The following WWOX variants were observed in gnomAD, a reference collection of about 807,000 sequenced individuals.
WWOX encodes WW domain containing oxidoreductase, also known as WW domain-containing oxidoreductase.
WWOX carries 69 observed loss-of-function variants against 46.2 expected under a neutral mutation model. The ratio of observed to expected loss-of-function variants is 1.49; its 90% CI spans 1.23 to 1.82. The LOEUF (loss-of-function observed/expected upper bound fraction) is 1.82. WWOX is among the 40% of genes most tolerant of loss of function. The pLI is 0.00. For missense variants in WWOX, 919 were observed against 542.6 expected (o/e 1.69, Z -6.89); for synonymous variants, 359 against 202.6 (o/e 1.77, Z -6.56).
intron 8 of WWOX, chr16:79,206,358 A>G (rs1032265795): frequency 6.6e-6 from 1 of 152,238 alleles, no homozygotes; most frequent in African/African-American, 2.4e-5. Flanking sequence ...TCATGTACCA[A>G]CGGACACGGA....
At chr16:78,129,081 C>T (rs1381216159) in intron 4 of WWOX, among the ~76,000 whole-genome samples, 2 of 152,182 alleles carry the variant, frequency 1.3e-5, no homozygotes, top group East Asian at 3.9e-4. Flanking sequence ...GGGATACCAT[C>T]CTTTCAGCCT....
At chr16:78,602,941 C>A (rs1391842417) in intron 8 of WWOX, among the ~76,000 whole-genome samples, 1 of 152,184 alleles carries the variant, frequency 6.6e-6, no homozygotes, top group Admixed American at 6.5e-5. Context: ...TGCTGATTAG[C>A]TTTCTCTTTC....
intron 8 of WWOX, among the ~76,000 whole-genome samples, chr16:78,768,251 C>G (rs933672623): frequency 3.2e-5 from 4 of 125,582 alleles, no homozygotes; most frequent in East Asian, 2.2e-4. Flanking sequence ...AGTGAAATCT[C>G]AAGCAAGCCA....
chr16:78,519,440 T>C (rs1244520501), intron 8 of WWOX, among the ~76,000 whole-genome samples: 1 of 152,084 alleles, frequency 6.6e-6, no homozygotes, highest in Non-Finnish European at 1.5e-5. Context: ...GTTAACAGTC[T>C]AATGTGTTTC....
At chr16:78,985,810 C>T (rs766434302) in intron 8 of WWOX, among the ~76,000 whole-genome samples, 1 of 152,304 alleles carries the variant, frequency 6.6e-6, no homozygotes, top group South Asian at 2.1e-4. Flanking sequence ...TACCTGGATC[C>T]TCACATTGCA....
At chr16:78,195,424 T>C (rs1432999981) in intron 5 of WWOX, among the ~76,000 whole-genome samples, 3 of 152,142 alleles carry the variant, frequency 2.0e-5, no homozygotes, top group African/African-American at 7.2e-5. Context: ...GGCTTCCGAA[T>C]GAACTCAGGT....
chr16:79,106,956 C>A lies in WWOX; in HGVS notation c.1057-104652C>A, dbSNP rs949832898. 4.7e-4 allele frequency among the ~76,000 whole-genome samples: 71 copies of A among 151,766 alleles called. 1 individual carries two copies. The highest frequency in any genetic ancestry group is 3.4e-3 in the Middle Eastern group (1 of 292). On this transcript the variant is annotated intron_variant, in intron 8 of 8. Coordinates refer to ENST00000566780, the MANE Select transcript of WWOX (RefSeq NM_016373.4). ...TCGAGTAGCTGGGATTCTGGGTGCC[C>A]CCCGCAACCATGTCCCACGAATTTT...
intron 8 of WWOX, among the ~76,000 whole-genome samples, chr16:78,754,982 C>T (rs1354580839): frequency 7.1e-6 from 1 of 141,660 alleles, no homozygotes; most frequent in African/African-American, 2.7e-5. Context: ...AAAGAATACA[C>T]AGGAGTTGAA....
intron 8 of WWOX, among the ~76,000 whole-genome samples, chr16:79,085,594 G>A (rs987420283): frequency 1.3e-5 from 2 of 152,048 alleles, no homozygotes; most frequent in East Asian, 3.9e-4. Context: ...AGACTGACAG[G>A]TAAAAGTGGT....
chr16:78,604,357 A>G lies in WWOX; in HGVS notation c.1056+171605A>G, dbSNP rs574618598. On this transcript the variant is annotated intron_variant, in intron 8 of 8. Coordinates refer to ENST00000566780, the MANE Select transcript of WWOX (RefSeq NM_016373.4). Reference sequence around the variant, plus strand: ...CCTCATGAATGCTTTAGTGTGGCAGATGTTACTGTACATGGGCCCTCGTTT... The same window carrying G: ...CCTCATGAATGCTTTAGTGTGGCAGGTGTTACTGTACATGGGCCCTCGTTT... 4.6e-5 allele frequency among the ~76,000 whole-genome samples: 7 copies of G among 152,154 alleles called. No homozygotes were observed. The East Asian group carries it at 1.4e-3, about 30-fold the overall frequency.
At chr16:78,335,920 C>T (rs2080879152) in intron 5 of WWOX, among the ~76,000 whole-genome samples, 1 of 152,032 alleles carries the variant, frequency 6.6e-6, no homozygotes, top group African/African-American at 2.4e-5. Context: ...GGTGAAACTC[C>T]ATCTCTACTA....
At chr16:78,747,452 A>T (rs370373996) in intron 8 of WWOX, among the ~76,000 whole-genome samples, 11 of 152,104 alleles carry the variant, frequency 7.2e-5, no homozygotes, top group African/African-American at 2.7e-4. Flanking sequence ...AAAAATACCC[A>T]TCATTTATGA....
intron 8 of WWOX, among the ~76,000 whole-genome samples, chr16:78,601,867 C>A (rs1165286269): frequency 6.6e-6 from 1 of 151,354 alleles, no homozygotes. Flanking sequence ...CGGAGTTTTT[C>A]AGCCCTGTTT....
At chr16:78,946,421 C>G (rs377688884) in intron 8 of WWOX, among the ~76,000 whole-genome samples, 20 of 152,180 alleles carry the variant, frequency 1.3e-4, no homozygotes, top group African/African-American at 4.8e-4. Context: ...GAACTCCTGA[C>G]CTGAGTTGAT....
intron 8 of WWOX, among the ~76,000 whole-genome samples, chr16:78,460,892 C>G (rs988084944): frequency 1.3e-5 from 2 of 152,216 alleles, no homozygotes; most frequent in East Asian, 3.8e-4. Context: ...AAAGTGTTTT[C>G]TCTGGAGAAT....
At chr16:79,150,481 A>T (rs747001216) in intron 8 of WWOX, among the ~76,000 whole-genome samples, 1 of 152,150 alleles carries the variant, frequency 6.6e-6, no homozygotes, top group Non-Finnish European at 1.5e-5. Context: ...TATGTCCCCA[A>T]TATAGGGAAG....
intron 8 of WWOX, among the ~76,000 whole-genome samples, chr16:78,592,801 C>T (rs374273267): frequency 8.5e-5 from 13 of 152,302 alleles, no homozygotes; most frequent in African/African-American, 2.6e-4. Flanking sequence ...ATCGATGATC[C>T]GGGCTCCTTT....
At chr16:79,083,931 G>A (rs990812378) in intron 8 of WWOX, among the ~76,000 whole-genome samples, 2 of 152,154 alleles carry the variant, frequency 1.3e-5, no homozygotes, top group South Asian at 2.1e-4. Context: ...TTATGAGGTC[G>A]TGCTTTGCAT....
At chr16:78,614,536 C>T (rs1463824259) in intron 8 of WWOX, among the ~76,000 whole-genome samples, 1 of 152,172 alleles carries the variant, frequency 6.6e-6, no homozygotes, top group Non-Finnish European at 1.5e-5. Context: ...CTGAAGCTGA[C>T]CTTGGGGAGC....
Sources: gnomAD v4.1 joint callset for allele counts (sites outside exome capture counted in the v4.1 genomes callset) on GRCh38, gnomAD v4.1.1 for gene constraint, MANE v1.5 for transcripts, NCBI Gene and HGNC (gene_info 2026-07-23, HGNC 2026-07-21) for gene names.